The following IQGAP2 variants were observed in gnomAD, a reference collection of about 807,000 sequenced individuals.
IQGAP2 encodes the protein IQ motif containing GTPase activating protein 2.
Under a neutral mutation model 201.3 loss-of-function variants are expected in IQGAP2, and 173 were observed. The ratio of observed to expected loss-of-function variants is 0.86; its 90% CI spans 0.76 to 0.98. The LOEUF is 0.98. IQGAP2 is among the 50% of genes least tolerant of loss of function. The pLI is 0.00. For synonymous variants in IQGAP2, 675 were observed against 673.9 expected (o/e 1.00, Z -0.03); for missense variants, 1,687 against 1,864.8 (o/e 0.90, Z 1.76).
At chr5:76,487,084 A>T in intron 2 of IQGAP2, among the ~76,000 whole-genome samples, 1 of 146,384 alleles carries the variant, frequency 6.8e-6, no homozygotes, top group African/African-American at 2.5e-5. Flanking sequence ...GTAAATGTTT[A>T]TTGGTATTTC....
rs749756129 is a variant in IQGAP2 at position 76,654,254 on chromosome 5, C to A, written c.2233C>A (p.Gln745Lys). Residue 745 changes from glutamine to lysine, a missense_variant, in exon 19 of 36, where the codon CAG becomes AAG. Transcript: ENST00000274364. Reference sequence around the variant, plus strand: ...AAGAAAGAGCTATCTTTCAAGACTACAGTATTTCAGAGATCATGTAAGAAA... The same window carrying A: ...AAGAAAGAGCTATCTTTCAAGACTAAAGTATTTCAGAGATCATGTAAGAAA... ...TARKSYLSRL[Q>K]YFRDHNNEIV... 1 of 1,607,850 alleles carries A rather than the reference C, an allele frequency of 6.2e-7. No individual in the cohort carries two copies. The highest frequency in any genetic ancestry group is 1.1e-5 in the South Asian group (1 of 90,496).
At chr5:76,462,863 C>T (rs1016473259) in intron 2 of IQGAP2, among the ~76,000 whole-genome samples, 1 of 151,656 alleles carries the variant, frequency 6.6e-6, no homozygotes, top group African/African-American at 2.4e-5. Flanking sequence ...GATTGTTTAA[C>T]ATGTCTGTGA....
rs1050922885 is a variant in IQGAP2 at position 76,689,036 on chromosome 5, T to C, written c.3906-4319T>C. On this transcript the variant is annotated intron_variant, in intron 30 of 35. Transcript: ENST00000274364. Reference sequence around the variant, plus strand: ...TTCTTAGGAATCTTAGAATAAATAATGAGAATTATTAGCTGAGCAGTTACT... The same window carrying C: ...TTCTTAGGAATCTTAGAATAAATAACGAGAATTATTAGCTGAGCAGTTACT... Among the ~76,000 whole-genome samples, 3 of 152,046 alleles carry C rather than the reference T, an allele frequency of 2.0e-5. No homozygotes were observed. The South Asian group carries it at 6.2e-4, about 32-fold the overall frequency.
intron 2 of IQGAP2, among the ~76,000 whole-genome samples, chr5:76,484,339 G>T (rs746175426): frequency 6.6e-6 from 1 of 152,168 alleles, no homozygotes; most frequent in Non-Finnish European, 1.5e-5. Flanking sequence ...ATGTGGGGGC[G>T]CAGGTTGTGA....
chr5:76,596,237 G>T (rs886178648), intron 9 of IQGAP2, among the ~76,000 whole-genome samples: 1 of 152,208 alleles, frequency 6.6e-6, no homozygotes, highest in Non-Finnish European at 1.5e-5. Flanking sequence ...GAATTAGGCA[G>T]ACAGGCTAAC....
chr5:76,555,020 T>C (rs976846822), intron 2 of IQGAP2, among the ~76,000 whole-genome samples: 3 of 152,200 alleles, frequency 2.0e-5, no homozygotes, highest in Non-Finnish European at 2.9e-5. Flanking sequence ...TAGATGAACC[T>C]TGAAAACATG....
intron 13 of IQGAP2, chr5:76,624,456 A>G (rs1298453016): frequency 6.6e-6 from 1 of 152,234 alleles, no homozygotes; most frequent in African/African-American, 2.4e-5. Context: ...CATCTTGATT[A>G]AATTACATTA....
At chr5:76,609,937 A>G (rs1748140571) in intron 12 of IQGAP2, among the ~76,000 whole-genome samples, 1 of 149,490 alleles carries the variant, frequency 6.7e-6, no homozygotes, top group South Asian at 2.1e-4. Flanking sequence ...ATAATAAGGT[A>G]TTGAGAAGTA....
intron 20 of IQGAP2, among the ~76,000 whole-genome samples, chr5:76,656,541 A>C (rs1172630328): frequency 6.6e-6 from 1 of 152,132 alleles, no homozygotes; most frequent in Non-Finnish European, 1.5e-5. Flanking sequence ...CCCTAACACT[A>C]AAATATGTTT....
chr5:76,640,542 T>C (rs1367488481), intron 16 of IQGAP2, among the ~76,000 whole-genome samples: 1 of 152,190 alleles, frequency 6.6e-6, no homozygotes, highest in African/African-American at 2.4e-5. Flanking sequence ...GAGGACCTTA[T>C]GGCCATTGCA....
intron 1 of IQGAP2, among the ~76,000 whole-genome samples, chr5:76,453,212 C>G (rs1053697670): frequency 6.6e-6 from 1 of 152,162 alleles, no homozygotes; most frequent in Non-Finnish European, 1.5e-5. Flanking sequence ...CCGCACCCAG[C>G]CTTCAATTCC....
chr5:76,590,897 C>T (rs935129000), intron 8 of IQGAP2, among the ~76,000 whole-genome samples: 11 of 151,730 alleles, frequency 7.2e-5, no homozygotes, highest in Non-Finnish European at 1.3e-4. Flanking sequence ...AACGAGCCTG[C>T]GCGCTATAGT....
intron 13 of IQGAP2, among the ~76,000 whole-genome samples, chr5:76,614,100 G>A (rs1748673400): frequency 6.6e-6 from 1 of 152,150 alleles, no homozygotes; most frequent in African/African-American, 2.4e-5. Context: ...ACAGCCACAT[G>A]GGGGTTTGTC....
chr5:76,589,540 T>C (rs1173416720), intron 6 of IQGAP2, 75 bp from the exon 7 acceptor site: 3 of 754,502 alleles, frequency 4.0e-6, no homozygotes, highest in African/African-American at 3.6e-5. Flanking sequence ...CTTGATATGA[T>C]TGTACTCATT....
chr5:76,570,777 G>A (rs552437508), intron 4 of IQGAP2, 120 bp downstream of exon 4: 13 of 708,502 alleles, frequency 1.8e-5, no homozygotes, highest in Non-Finnish European at 3.2e-5. Flanking sequence ...GAAATGTGAG[G>A]ACTAAAAAAC....
intron 14 of IQGAP2, among the ~76,000 whole-genome samples, chr5:76,629,691 C>T (rs1282882658): frequency 3.9e-5 from 6 of 152,086 alleles, no homozygotes; most frequent in South Asian, 4.1e-4. Context: ...AGATTTTTTT[C>T]ACTCCCTCCC....
intron 20 of IQGAP2, among the ~76,000 whole-genome samples, chr5:76,655,576 T>A (rs988073768): frequency 6.6e-6 from 1 of 152,068 alleles, no homozygotes; most frequent in African/African-American, 2.4e-5. Context: ...GCCTTCCGAG[T>A]AGCTGGGGTT....
At chr5:76,607,547 A>C (rs967590244) in intron 12 of IQGAP2, 1 of 152,246 alleles carries the variant, frequency 6.6e-6, no homozygotes, top group African/African-American at 2.4e-5. Flanking sequence ...CTTTCAGTGA[A>C]GCATTTAAAG....
chr5:76,587,909 G>A (rs569546529), intron 5 of IQGAP2, among the ~76,000 whole-genome samples: 3 of 148,902 alleles, frequency 2.0e-5, no homozygotes, highest in Non-Finnish European at 4.4e-5. Context: ...TCACGCCATT[G>A]CACTCCAGCC....
Sources: gnomAD v4.1 joint callset for allele counts (sites outside exome capture counted in the v4.1 genomes callset) on GRCh38, gnomAD v4.1.1 for gene constraint, MANE v1.5 for transcripts, NCBI Gene and HGNC (gene_info 2026-07-23, HGNC 2026-07-21) for gene names.